FAM98A: variants seen among roughly 807,000 people sequenced by gnomAD.
FAM98A encodes the protein tRNA splicing ligase complex subunit 3A.
In FAM98A, 25 loss-of-function variants were observed where a neutral mutation model predicts 62.9. The observed-to-expected ratio is 0.40, with a 90% confidence interval of 0.29 to 0.56. The LOEUF (loss-of-function observed/expected upper bound fraction) is 0.56, where lower values mean the gene tolerates loss of function less well. Among genes scored for constraint, FAM98A ranks in the 20% least tolerant of loss-of-function variants. The pLI, the probability that FAM98A is intolerant of heterozygous loss-of-function variation, is 0.51. For synonymous variants in FAM98A, 252 were observed against 228.6 expected, an observed-to-expected ratio of 1.10 and a Z score of -0.92; for missense variants, 653 against 640.7, an observed-to-expected ratio of 1.02 and a Z score of -0.21.
intron 5 of FAM98A, 79 bp downstream of exon 5, chr2:33,587,161 C>A (rs543124649): frequency 3.4e-6 from 3 of 889,722 alleles, no homozygotes; most frequent in East Asian, 2.4e-5. Context: ...ATTTAAAAAG[C>A]ACAAAATGTA....
intron 3 of FAM98A, chr2:33,588,766 C>G (rs369168339): frequency 7.6e-6 from 2 of 262,814 alleles, no homozygotes; most frequent in Admixed American, 5.2e-5. Context: ...TCTTTGAAAC[C>G]GAAGGATCGA....
intron 6 of FAM98A, 140 bp downstream of exon 6, chr2:33,586,419 CACT>C: frequency 3.7e-6 from 2 of 538,146 alleles, no homozygotes; most frequent in Non-Finnish European, 6.7e-6. Flanking sequence ...TTGAAAGAGC[CACT>C]ACTCAATAAC....
At chr2:33,587,801 A>C (rs190292899) in intron 4 of FAM98A, among the ~76,000 whole-genome samples, 53 of 151,858 alleles carry the variant, frequency 3.5e-4, no homozygotes, top group Middle Eastern at 6.8e-3. Context: ...ATTATATAGA[A>C]AATCTTAACT....
chr2:33,598,158 C>G (rs1044943421), intron 1 of FAM98A, among the ~76,000 whole-genome samples: 1 of 152,188 alleles, frequency 6.6e-6, no homozygotes, highest in African/African-American at 2.4e-5. Flanking sequence ...TTCAAATAGG[C>G]AGACTTTGGG....
intron 5 of FAM98A, 95 bp from the exon 6 acceptor site, chr2:33,586,773 G>A: frequency 1.3e-6 from 1 of 742,426 alleles, no homozygotes; most frequent in Non-Finnish European, 2.4e-6. Flanking sequence ...TCATAACTGA[G>A]ATCCCGGCCA....
rs1558550283 is a variant in FAM98A, at chr2:33,594,556, AAAAAT to A, written c.202+928_202+932del. Among the ~76,000 whole-genome samples the A allele has an allele frequency of 8.4e-5, 3 of 35,722 alleles. 1 individual carries two copies. Among genetic ancestry groups the A allele is most frequent in the Non-Finnish European group, 1.3e-4 (2 of 14,894 alleles). The allele number at this position is 35,722 out of a possible 152,430, so 23.4% of individuals were successfully genotyped here. On this transcript the variant is annotated intron_variant, in intron 2 of 7. Transcript: ENST00000238823. ...AAGTTAAAAAAAAAAAAAAAAAAAA[AAAAAT>A]TATATATATATATATACACACACAC...
At chr2:33,597,294 G>C (rs568956991) in intron 1 of FAM98A, among the ~76,000 whole-genome samples, 1 of 152,096 alleles carries the variant, frequency 6.6e-6, no homozygotes, top group East Asian at 1.9e-4. Flanking sequence ...AGGAGTTCGA[G>C]ACCAGCCTGG....
At chr2:33,597,588 G>C (rs941623942) in intron 1 of FAM98A, among the ~76,000 whole-genome samples, 6 of 151,940 alleles carry the variant, frequency 3.9e-5, no homozygotes, top group African/African-American at 1.5e-4. Context: ...TTAAAAAAAG[G>C]AGGGGGAAAA....
chr2:33,585,465 T>C (rs748257252), intron 7 of FAM98A, 21 bp from the exon 8 acceptor site: 1 of 1,613,252 alleles, frequency 6.2e-7, no homozygotes, highest in Non-Finnish European at 8.5e-7. Flanking sequence ...GGAAAGATAT[T>C]TTAAACTTTT....
chr2:33,598,304 A>G (rs1026235129), intron 1 of FAM98A, among the ~76,000 whole-genome samples: 26 of 152,192 alleles, frequency 1.7e-4, no homozygotes, highest in African/African-American at 6.3e-4. Context: ...TTGTTTTGAT[A>G]CCGTACCTGT....
chr2:33,594,676 TATAC>T lies in FAM98A; in HGVS notation c.202+809_202+812del, dbSNP rs372197739. Among the ~76,000 whole-genome samples, 7 of 51,762 alleles carry T rather than the reference TATAC, an allele frequency of 1.4e-4. 2 individuals are homozygous for T. The highest frequency in any genetic ancestry group is 5.1e-4 in the African/African-American group (4 of 7,790). The allele number at this position is 51,762 out of a possible 152,430, so 34.0% of individuals were successfully genotyped here. Reference sequence around the variant, plus strand: ...ACACACATATATATACACATATATATATACACACATATATATACACATATATATA... The same window carrying T: ...ACACACATATATATACACATATATATACACATATATATACACATATATATA... On this transcript the variant is annotated intron_variant, in intron 2 of 7. Transcript: ENST00000238823.
At chr2:33,591,849 T>A (rs1044762013) in intron 3 of FAM98A, 6 of 376,530 alleles carry the variant, frequency 1.6e-5, no homozygotes, top group Non-Finnish European at 2.4e-5. Flanking sequence ...ACGGCCTGAG[T>A]ACCACTGAGG....
chr2:33,585,074 C>A lies in FAM98A; in HGVS notation c.1259G>T (p.Gly420Val). 6.2e-7 allele frequency: 1 copy of A among 1,614,172 alleles called. No individual in the cohort carries two copies. ...HGGHSSGGYQ[G>V]GGYGGFQTSS... The stretch of plus-strand genomic sequence containing the variant: ...TGTTTGGAAGCCACCATAACCTCCG[C>A]CTTGATAGCCACCACTGCTGTGGCC... Residue 420 changes from glycine (G) to valine (V), a missense_variant, in exon 8 of 8, where the codon GGC becomes GTC. By Grantham distance (109) the Gly-to-Val change is moderately radical (BLOSUM62 -3). Transcript: ENST00000238823.
chr2:33,588,604 T>C, intron 3 of FAM98A, 85 bp from the exon 4 acceptor site: 1 of 1,011,484 alleles, frequency 9.9e-7, no homozygotes, highest in Non-Finnish European at 1.4e-6. Flanking sequence ...ATAGACCTAT[T>C]GATATGTAAC....
At position 33,587,993 on chromosome 2, in the gene FAM98A, G is replaced by T. The variant is rs189636399; in HGVS notation, c.522+342C>A. 134 of 275,728 alleles carry T rather than the reference G, an allele frequency of 4.9e-4. 1 individual carries two copies. The East Asian group carries it at 0.01, about 22-fold the overall frequency. The allele number at this position is 275,728 out of a possible 1,614,324, so 17.1% of individuals were successfully genotyped here. A position where few individuals can be genotyped will look rare whatever the true frequency, so the allele number is the denominator to read the frequency against. ...GAGGGTGGTAACATTTAGTGATAAA[G>T]AACTTAAATTGACTGTATCAAAGTT... is the stretch of plus-strand genomic sequence containing the variant. On this transcript the variant is annotated intron_variant, in intron 4 of 7. Transcript: ENST00000238823.
Position 33,593,237 on chromosome 2 carries a change from C to T in FAM98A, c.203-1023G>A, listed in dbSNP as rs555787013. ...TGAGTAACGTGGCAAAACCCCGTCT[C>T]TAAGAAAAATAACAAAAATCAGCCA... is the stretch of plus-strand genomic sequence containing the variant. On this transcript the variant is annotated intron_variant, in intron 2 of 7. Transcript: ENST00000238823. Among the ~76,000 whole-genome samples, 3 of 152,250 alleles carry T rather than the reference C, an allele frequency of 2.0e-5. No homozygotes were observed. The East Asian group carries it at 5.8e-4, about 29-fold the overall frequency.
chr2:33,592,168 T>C lies in FAM98A; in HGVS notation c.249A>G (p.Leu83=). The stretch of plus-strand genomic sequence containing the variant: ...AAAGATACGGGCAGTTCATCTCCCC[T>C]AGTAGCCCACTCACCTCAAGCTGGA... The part of the protein sequence containing the change: ...EEFQLEVSGL[L]GEMNCPYLSL... Residue 83 remains leucine, a synonymous_variant, in exon 3 of 8, where the codon CTA becomes CTG. Transcript: ENST00000238823. The C allele has an allele frequency of 6.2e-7, 1 of 1,613,128 alleles. No homozygotes were observed.
chr2:33,594,696 CATATATAT>C (rs71412864), intron 2 of FAM98A, among the ~76,000 whole-genome samples: 1 of 14,866 alleles, frequency 6.7e-5, no homozygotes, highest in Non-Finnish European at 1.5e-4. Context: ...TATATATACA[CATATATAT>C]ATACACACAC....
rs1677521258 is a variant in FAM98A, at chr2:33,585,332, C to G, written c.1001G>C (p.Gly334Ala). The change falls in exon 8 of 8, where the codon GGA (glycine) becomes GCA (alanine). Residue 334 changes from glycine (G) to alanine (A), a missense_variant. Physicochemically the swap from Gly to Ala is moderately conservative, Grantham distance 60. Transcript: ENST00000238823. Reference protein sequence around the residue: ...KRQDGPQQQTGGRGGGRGGYE... With the variant: ...KRQDGPQQQTAGRGGGRGGYE... ...GCCACCTCTCCCTCCTCCTCGGCCT[C>G]CTGTTTGCTGCTGGGGGCCATCTTG... The G allele has an allele frequency of 1.9e-6, 3 of 1,614,182 alleles. No individual in the cohort carries two copies. The South Asian group carries it at 3.3e-5, about 18-fold the overall frequency.
Sources: gnomAD v4.1 joint callset for allele counts (sites outside exome capture counted in the v4.1 genomes callset) on GRCh38, gnomAD v4.1.1 for gene constraint, MANE v1.5 for transcripts, NCBI Gene and HGNC (gene_info 2026-07-23, HGNC 2026-07-21) for gene names.